The following SLC43A3 variants were observed in gnomAD, a reference collection of about 807,000 sequenced individuals.
SLC43A3 encodes equilibrative nucleobase transporter 1.
In SLC43A3, 33 loss-of-function variants were observed where a neutral mutation model predicts 53.3. The observed-to-expected ratio is 0.62, with a 90% CI of 0.47 to 0.83. SLC43A3 has a LOEUF of 0.83. Ranked by LOEUF, SLC43A3 falls within the 40% of genes least tolerant of loss-of-function variation. SLC43A3 has a pLI of 0.00. For synonymous variants in SLC43A3, 236 were observed against 246.2 expected, an observed-to-expected ratio of 0.96 and a Z score of 0.39; for missense variants, 530 against 610.0, an observed-to-expected ratio of 0.87 and a Z score of 1.38.
At chr11:57,415,206 A>G in intron 9 of SLC43A3, 100 bp from the exon 10 acceptor site, 6 of 1,560,544 alleles carry the variant, frequency 3.8e-6, no homozygotes, top group Non-Finnish European at 5.2e-6. Context: ...ATCCGGGCCC[A>G]CCTTCTACCC....
At position 57,407,889 on chromosome 11, in the gene SLC43A3, A is replaced by G; in HGVS notation, c.1379T>C (p.Val460Ala). The change falls in exon 14 of 14, where the codon GTG (valine) becomes GCG (alanine). Residue 460 changes from valine (V) to alanine (A), a missense_variant. This residue lies in a region of SLC43A3 where 124 missense variants were observed against 166.4 expected (regional missense o/e 0.75). Transcript: ENST00000395124. ...CAGAAGAATGGCAAGCATGAACATCACATTCACCTGCAGGGAGAGCAGAAG... is the reference window on the plus strand; with the variant it reads ...CAGAAGAATGGCAAGCATGAACATCGCATTCACCTGCAGGGAGAGCAGAAG... Reference protein sequence around the residue: ...SLQNDPFYVNVMFMLAILLTF... With the variant: ...SLQNDPFYVNAMFMLAILLTF... 6.2e-7 allele frequency: 1 copy of G among 1,608,252 alleles called. No homozygotes were observed. Among genetic ancestry groups the G allele is most frequent in the Non-Finnish European group, 8.5e-7 (1 of 1,174,638 alleles).
chr11:57,411,661 T>C (rs527726711), intron 11 of SLC43A3, among the ~76,000 whole-genome samples: 23 of 151,888 alleles, frequency 1.5e-4, no homozygotes, highest in African/African-American at 5.6e-4. Flanking sequence ...TGAGACCTCA[T>C]CCCTAAAAAT....
In SLC43A3 at chr11:57,425,623, A is replaced by C. The variant is rs550385250; in HGVS notation, c.232T>G (p.Ser78Ala). The C allele has an allele frequency of 4.3e-6, 7 of 1,613,940 alleles. No homozygotes were observed. Among genetic ancestry groups the C allele is most frequent in the Non-Finnish European group, 5.1e-6 (6 of 1,180,018 alleles). ...ERFSLIFTLGSFMNNFMTFPT... is the reference protein window; with the variant it reads ...ERFSLIFTLGAFMNNFMTFPT... The stretch of plus-strand genomic sequence containing the variant: ...AATGTCATGAAGTTGTTCATGAAGG[A>C]CCCCAGGGTGAAGATGAGTGAGAAC... The change falls in exon 4 of 14, where the codon TCC becomes GCC. Residue 78 changes from serine (S) to alanine (A), a missense_variant. Ser to Ala is a moderately conservative substitution (Grantham distance 99). Coordinates refer to ENST00000395124, the MANE Select transcript of SLC43A3 (RefSeq NM_199329.3).
intron 11 of SLC43A3, among the ~76,000 whole-genome samples, chr11:57,413,819 T>C (rs563462063): frequency 6.6e-6 from 1 of 152,216 alleles, no homozygotes; most frequent in African/African-American, 2.4e-5. Flanking sequence ...CCTCAATGTT[T>C]CACTCTCTCA....
intron 9 of SLC43A3, among the ~76,000 whole-genome samples, chr11:57,415,972 C>T (rs996655267): frequency 4.6e-5 from 7 of 152,180 alleles, no homozygotes; most frequent in Non-Finnish European, 1.0e-4. Context: ...TTAAAATCTA[C>T]TTGTTTAGGA....
intron 12 of SLC43A3, among the ~76,000 whole-genome samples, chr11:57,409,523 C>T (rs1942354296): frequency 6.6e-6 from 1 of 152,242 alleles, no homozygotes; most frequent in South Asian, 2.1e-4. Context: ...AGACAGGACC[C>T]TCATGCAGGC....
rs780266653 is a variant in SLC43A3, at chr11:57,426,202, C to T, written c.-30G>A. On this transcript the variant is annotated 5_prime_UTR_variant, in exon 3 of 14. An upstream open reading frame in the 5' UTR gains an earlier in-frame stop. Transcript: ENST00000395124. ...AGAAGTGGAGTGGATCTTCAAATCC[C>T]ACTTTGTCCTCCTGGACGGATCACA... 4.3e-6 allele frequency: 7 copies of T among 1,609,764 alleles called. No homozygotes were observed. The highest frequency in any genetic ancestry group is 5.9e-6 in the Non-Finnish European group (7 of 1,176,954).
chr11:57,424,257 T>A (rs889805059), intron 4 of SLC43A3, among the ~76,000 whole-genome samples: 2 of 152,238 alleles, frequency 1.3e-5, no homozygotes, highest in Non-Finnish European at 2.9e-5. Context: ...TTGCTCATTC[T>A]GAGGCCCAAG....
chr11:57,417,958 G>A (rs893110798), intron 7 of SLC43A3, 71 bp from the exon 8 acceptor site: 12 of 1,467,650 alleles, frequency 8.2e-6, no homozygotes, highest in Non-Finnish European at 1.1e-5. Flanking sequence ...ATAGCCAAAG[G>A]ATGGAAGCAA....
In SLC43A3 at chr11:57,407,738, G is replaced by T; in HGVS notation, c.*54C>A. 1.8e-6 allele frequency: 2 copies of T among 1,086,542 alleles called. No homozygotes were observed. The highest frequency in any genetic ancestry group is 1.4e-6 in the Non-Finnish European group (1 of 704,450). 67.3% of individuals were successfully genotyped at this position (1,086,542 alleles called of 1,614,324 possible). A position where few individuals can be genotyped will look rare whatever the true frequency, so the allele number is the denominator to read the frequency against. ...CTTTTGGGACACGAGGTCCTCAAAGGTGGTGGAAGATGAACAAAACCATCC... is the reference window on the plus strand; with the variant it reads ...CTTTTGGGACACGAGGTCCTCAAAGTTGGTGGAAGATGAACAAAACCATCC... On this transcript the variant is annotated 3_prime_UTR_variant, in exon 14 of 14. Coordinates refer to ENST00000395124, the MANE Select transcript of SLC43A3 (RefSeq NM_199329.3).
chr11:57,407,997 AC>A, intron 13 of SLC43A3, 101 bp from the exon 14 acceptor site: 1 of 743,274 alleles, frequency 1.3e-6, no homozygotes, highest in Non-Finnish European at 2.3e-6. Flanking sequence ...CAATGAAGGG[AC>A]CAGAAGTCTA....
At chr11:57,423,936 G>C (rs776045142) in intron 5 of SLC43A3, 46 bp downstream of exon 5, 1 of 1,590,982 alleles carries the variant, frequency 6.3e-7, no homozygotes, top group South Asian at 1.1e-5. Flanking sequence ...CCAGCCACCA[G>C]GTGCCTCTGA....
chr11:57,425,660 G>T lies in SLC43A3; in HGVS notation c.195C>A (p.Ala65=). ...GNATGQADCK[A]QDERFSLIFT... is the part of the protein sequence containing the mutation. ...AGATGAGTGAGAACCTCTCATCCTG[G>T]GCTTTGCAGTCTGGAGTAGAAAAAA... Residue 65 remains alanine (A), a synonymous_variant, in exon 4 of 14, where the codon GCC becomes GCA. Transcript: ENST00000395124. The T allele has an allele frequency of 6.2e-7, 1 of 1,614,070 alleles. No individual in the cohort carries two copies. The highest frequency in any genetic ancestry group is 1.1e-5 in the South Asian group (1 of 91,082).
In SLC43A3 at chr11:57,415,026, C is replaced by A. The variant is rs1011533692; in HGVS notation, c.850G>T (p.Val284Leu). 15 of 1,614,066 alleles carry A rather than the reference C, an allele frequency of 9.3e-6. No individual in the cohort carries two copies. Among genetic ancestry groups the A allele is most frequent in the Middle Eastern group, 1.6e-4 (1 of 6,082 alleles). ...AFSRRFAWHL[V>L]WLSVIQLWHY... ...CACAACTGTATCACAGACAGCCACA[C>A]CAGGTGCCAGGCAAAGCGCCGAGAG... The change falls in exon 10 of 14, where the codon GTG (valine) becomes TTG (leucine). Residue 284 changes from valine (V) to leucine (L), a missense_variant. Physicochemically the swap from Val to Leu is conservative, Grantham distance 32. Transcript: ENST00000395124.
intron 7 of SLC43A3, 45 bp from the exon 8 acceptor site, chr11:57,417,932 A>C: frequency 6.3e-7 from 1 of 1,592,952 alleles, no homozygotes; most frequent in East Asian, 2.3e-5. Flanking sequence ...CCACGTTCAT[A>C]GCAGCACTAT....
chr11:57,421,053 T>A lies in SLC43A3; in HGVS notation c.450A>T (p.Leu150=). The A allele has an allele frequency of 6.2e-7, 1 of 1,612,036 alleles. No individual in the cohort carries two copies. The highest frequency in any genetic ancestry group is 8.5e-7 in the Non-Finnish European group (1 of 1,178,114). The change falls in exon 7 of 14, where the codon CTA becomes CTT. Residue 150 remains leucine, a synonymous_variant. Transcript: ENST00000395124. ...TGATGGTCGAACGGTGTTGGCCAAA[T>A]AGGTTCCCAATCTGGGGATGATAGG... is the stretch of plus-strand genomic sequence containing the variant. ...FLITNLQIGN[L]FGQHRSTIIT... is the part of the protein sequence containing the mutation.
intron 7 of SLC43A3, 104 bp downstream of exon 7, chr11:57,420,868 A>G: frequency 1.3e-6 from 1 of 783,010 alleles, no homozygotes; most frequent in Non-Finnish European, 2.2e-6. Context: ...GGGGTAACAC[A>G]GTACCTACCT....
At chr11:57,408,424 T>C (rs1241747490) in intron 13 of SLC43A3, 1 of 155,488 alleles carries the variant, frequency 6.4e-6, no homozygotes, top group Non-Finnish European at 1.4e-5. Context: ...AAAATAAGCT[T>C]GGCATGGTGG....
chr11:57,423,972 C>CAGCA lies in SLC43A3; in HGVS notation c.361+6_361+9dup. 6.2e-7 allele frequency: 1 copy of CAGCA among 1,614,038 alleles called. No homozygotes were observed. Among genetic ancestry groups the CAGCA allele is most frequent in the Non-Finnish European group, 8.5e-7 (1 of 1,179,866 alleles). ...GCTTGCATCCCTCCCACCCACCTGA[C>CAGCA]AGCACTCACCTGCAGAGGTGAAGGC... On this transcript the variant is annotated intron_variant, in intron 5 of 13. Transcript: ENST00000395124.
Sources: allele counts gnomAD v4.1 joint callset (sites outside exome capture counted in the v4.1 genomes callset), GRCh38; gene constraint gnomAD v4.1.1; regional missense constraint gnomAD v4.1.1; transcripts MANE v1.5; gene names NCBI Gene and HGNC (gene_info 2026-07-23, HGNC 2026-07-21).